The following SNX25 variants were observed in gnomAD, a reference collection of about 807,000 sequenced individuals.
The protein encoded by SNX25 is sorting nexin-25.
A neutral mutation model predicts 113.7 loss-of-function variants in SNX25; 62 were observed. The observed-to-expected ratio is 0.55, with a 90% confidence interval of 0.44 to 0.67. SNX25 has a LOEUF of 0.67. Among genes scored for constraint, SNX25 ranks in the 30% least tolerant of loss-of-function variants. SNX25 has a pLI of 0.00. For synonymous variants in SNX25, 421 were observed against 436.2 expected (o/e 0.97, Z 0.43); for missense variants, 1,014 against 1,161.0 (o/e 0.87, Z 1.84).
At chr4:185,354,322 C>T (rs542957626) in intron 15 of SNX25, among the ~76,000 whole-genome samples, 6 of 152,216 alleles carry the variant, frequency 3.9e-5, no homozygotes, top group East Asian at 1.9e-4. Context: ...TGGCCAAGGA[C>T]GTGGGAATGC....
chr4:185,327,549 A>T (rs2095165123), intron 9 of SNX25, among the ~76,000 whole-genome samples: 1 of 152,132 alleles, frequency 6.6e-6, no homozygotes, highest in Admixed American at 6.5e-5. Context: ...TTTTATATAA[A>T]TTATCTTTTC....
At chr4:185,365,181 G>C (rs928910049), downstream of SNX25, 1 of 150,750 alleles carries the variant, frequency 6.6e-6, no homozygotes, top group Admixed American at 6.6e-5. Context: ...ATGGTAACTA[G>C]AGTAAACTGA....
At chr4:185,374,229 A>G (rs149564172), downstream of SNX25, 7 of 1,614,078 alleles carry the variant, frequency 4.3e-6, no homozygotes, top group African/African-American at 9.3e-5. Flanking sequence ...GTCTGCTGCG[A>G]TAAGCCACAG....
intron 5 of SNX25, among the ~76,000 whole-genome samples, chr4:185,286,712 C>T (rs1315827590): frequency 1.2e-4 from 18 of 152,206 alleles, no homozygotes; most frequent in Admixed American, 9.2e-4. Flanking sequence ...GGAAGGGAGA[C>T]TGGACGTTGG....
intron 13 of SNX25, among the ~76,000 whole-genome samples, chr4:185,349,078 G>T (rs972648480): frequency 6.6e-6 from 1 of 151,916 alleles, no homozygotes; most frequent in East Asian, 1.9e-4. Context: ...CATGTATATC[G>T]GGGGGTTCGA....
At chr4:185,331,873 T>C (rs1476742689) in intron 9 of SNX25, among the ~76,000 whole-genome samples, 1 of 152,240 alleles carries the variant, frequency 6.6e-6, no homozygotes, top group Non-Finnish European at 1.5e-5. Context: ...ATTTACTGTT[T>C]GTTACAATTA....
rs1406498933 is a variant in SNX25 at position 185,209,605 on chromosome 4, A to C, written c.-222A>C. On this transcript the variant is annotated 5_prime_UTR_variant, in exon 1 of 19. Coordinates refer to ENST00000652585, the MANE Select transcript of SNX25 (RefSeq NM_001378034.2). This position sits in a 1 kb window ranked among gnomAD's most constrained non-coding sequence, Gnocchi z 5.2. ...TCAGGCTGGCCAGGCTTCAGTCACA[A>C]CACGGTGGGGCTCCCTGGCTGCGCC... The C allele has an allele frequency of 2.4e-6, 1 of 414,306 alleles. No individual in the cohort carries two copies. The highest frequency in any genetic ancestry group is 9.9e-5 in the South Asian group (1 of 10,098). The allele number at this position is 414,306 out of a possible 1,614,324, so 25.7% of individuals were successfully genotyped here. A position where few individuals can be genotyped will look rare whatever the true frequency, so the allele number is the denominator to read the frequency against.
At chr4:185,219,145 A>G (rs944072755) in intron 1 of SNX25, among the ~76,000 whole-genome samples, 7 of 152,186 alleles carry the variant, frequency 4.6e-5, no homozygotes, top group Non-Finnish European at 8.8e-5. Flanking sequence ...TCAGTCCTCC[A>G]GAGCTGAATG....
chr4:185,204,837 G>A (rs1737116394), upstream of SNX25, among the ~76,000 whole-genome samples: 1 of 152,182 alleles, frequency 6.6e-6, no homozygotes, highest in Non-Finnish European at 1.5e-5. Context: ...AGGAGGAAAC[G>A]GATTCTCTCC....
intron 5 of SNX25, among the ~76,000 whole-genome samples, chr4:185,269,160 A>G (rs1748557169): frequency 6.6e-6 from 1 of 152,144 alleles, no homozygotes; most frequent in African/African-American, 2.4e-5. Flanking sequence ...AGTCATCCTT[A>G]TCATAGTGTC....
intron 3 of SNX25, 124 bp downstream of exon 3, chr4:185,259,188 AT>A (rs1579511014): frequency 1.3e-6 from 1 of 797,918 alleles, no homozygotes; most frequent in East Asian, 2.7e-5. Context: ...GAAAATGTAG[AT>A]TTATTAAGGG....
At chr4:185,255,715 T>C (rs1407218782) in intron 2 of SNX25, among the ~76,000 whole-genome samples, 1 of 152,220 alleles carries the variant, frequency 6.6e-6, no homozygotes, top group Non-Finnish European at 1.5e-5. Context: ...AGGACTACAG[T>C]GTGCTGAGTA....
At chr4:185,342,900 A>G (rs537567897) in intron 12 of SNX25, among the ~76,000 whole-genome samples, 20 of 152,024 alleles carry the variant, frequency 1.3e-4, no homozygotes, top group African/African-American at 4.1e-4. Context: ...TTTTATATAT[A>G]TATTTTTTGA....
chr4:185,267,197 A>G, intron 5 of SNX25, 42 bp downstream of exon 5: 2 of 1,551,520 alleles, frequency 1.3e-6, no homozygotes, highest in East Asian at 2.3e-5. Flanking sequence ...GCTACTGATT[A>G]TCATCCCCTG....
chr4:185,353,613 T>G lies in SNX25; in HGVS notation c.2584+11T>G. Reference sequence around the variant, plus strand: ...TTGAACTTCGAGGAAGTAAGCTTCTTTGTTATTATTTAGTGGTATTTGCTA... The same window carrying G: ...TTGAACTTCGAGGAAGTAAGCTTCTGTGTTATTATTTAGTGGTATTTGCTA... On this transcript the variant is annotated intron_variant, in intron 15 of 18. Transcript: ENST00000652585. 1 of 1,597,774 alleles carries G rather than the reference T, an allele frequency of 6.3e-7. No individual in the cohort carries two copies.
intron 14 of SNX25, 42 bp from the exon 15 acceptor site, chr4:185,353,443 T>C (rs2095325255): frequency 6.7e-7 from 1 of 1,489,474 alleles, no homozygotes; most frequent in Non-Finnish European, 9.3e-7. Context: ...CCAATTTTCT[T>C]GGATAAGTTA....
At chr4:185,256,475 A>G (rs1260441075) in intron 2 of SNX25, among the ~76,000 whole-genome samples, 1 of 152,160 alleles carries the variant, frequency 6.6e-6, no homozygotes, top group Non-Finnish European at 1.5e-5. Flanking sequence ...GAAAAAAGCC[A>G]TCATAGAATA....
chr4:185,283,153 C>T (rs1750884937), intron 5 of SNX25, among the ~76,000 whole-genome samples: 2 of 152,120 alleles, frequency 1.3e-5, no homozygotes, highest in African/African-American at 4.8e-5. Context: ...TGGATTCCAC[C>T]CCCTGCTGTC....
At chr4:185,347,558 C>T (rs1366608281) in intron 13 of SNX25, among the ~76,000 whole-genome samples, 2 of 152,068 alleles carry the variant, frequency 1.3e-5, no homozygotes, top group Admixed American at 1.3e-4. Context: ...GTAACCTCTG[C>T]CTCCCGGGTT....
Sources: gnomAD v4.1 joint callset for allele counts (sites outside exome capture counted in the v4.1 genomes callset) on GRCh38, gnomAD v4.1.1 for gene constraint, Gnocchi (gnomAD v3.1) non-coding constraint, MANE v1.5 for transcripts, NCBI Gene and HGNC (gene_info 2026-07-23, HGNC 2026-07-21) for gene names.